The following LMAN1 variants were observed in gnomAD, a reference collection of about 807,000 sequenced individuals.
LMAN1 encodes the protein lectin, mannose binding 1.
LMAN1 carries 32 observed loss-of-function variants against 67.8 expected under a neutral mutation model. The observed-to-expected ratio is 0.47, with a 90% CI of 0.36 to 0.63. LMAN1 has a LOEUF of 0.63. Among genes scored for constraint, LMAN1 ranks in the 30% least tolerant of loss-of-function variants. The probability of loss-of-function intolerance (pLI) is 0.00; values close to 1 mark genes in which losing one functional copy is unlikely to be tolerated. For synonymous variants in LMAN1, 235 were observed against 219.3 expected, an observed-to-expected ratio of 1.07 and a Z score of -0.63; for missense variants, 632 against 628.2, an observed-to-expected ratio of 1.01 and a Z score of -0.06.
rs143837057 is a variant in LMAN1 at position 59,359,207 on chromosome 18, A to C, written c.38T>G (p.Val13Gly). Residue 13 changes from valine (V) to glycine (G), a missense_variant, in exon 1 of 13, where the codon GTT becomes GGT. Coordinates refer to ENST00000251047, the MANE Select transcript of LMAN1 (RefSeq NM_005570.4). ...CAGCAAGGCGCAGAACAGCGGCCGA[A>C]CTCTGGCCCGGAGACCCCTTTGCCT... ...GSRQRGLRAR[V>G]RPLFCALLLS... 1 of 1,613,922 alleles carries C rather than the reference A, an allele frequency of 6.2e-7. No individual in the cohort carries two copies. The highest frequency in any genetic ancestry group is 1.1e-5 in the South Asian group (1 of 91,046).
At chr18:59,334,167 A>AT (rs1908091234) in intron 10 of LMAN1, among the ~76,000 whole-genome samples, 1 of 152,236 alleles carries the variant, frequency 6.6e-6, no homozygotes. Context: ...ACATATTTGT[A>AT]TTTAAGAAAT....
intron 8 of LMAN1, among the ~76,000 whole-genome samples, chr18:59,342,266 C>T (rs895177711): frequency 6.6e-6 from 1 of 151,958 alleles, no homozygotes; most frequent in Non-Finnish European, 1.5e-5. Flanking sequence ...AGAACCAATT[C>T]TCCTGAAATT....
rs748840651 is a variant in LMAN1 at position 59,331,069 on chromosome 18, ATGAAG to A, written c.*19_*23del. ...ACGACATCATTTTGTACACAAATAG[ATGAAG>A]TACACAGGAAAATGGTAGTCAAAAG... On this transcript the variant is annotated 3_prime_UTR_variant, in exon 13 of 13. Coordinates refer to ENST00000251047, the MANE Select transcript of LMAN1 (RefSeq NM_005570.4). 65 of 1,559,170 alleles carry A rather than the reference ATGAAG, an allele frequency of 4.2e-5. No homozygotes were observed. In the Admixed American group the frequency reaches 8.7e-4, roughly 21 times the overall value.
rs1393843541 is a variant in LMAN1 at position 59,346,016 on chromosome 18, T to C, written c.858A>G (p.Lys286=). 1 of 1,613,084 alleles carries C rather than the reference T, an allele frequency of 6.2e-7. No homozygotes were observed. Among genetic ancestry groups the C allele is most frequent in the African/African-American group, 1.3e-5 (1 of 74,910 alleles). Residue 286 remains lysine (K), a synonymous_variant, in exon 8 of 13, where the codon AAA becomes AAG. Coordinates refer to ENST00000251047, the MANE Select transcript of LMAN1 (RefSeq NM_005570.4). ...GCTCAAATTCCTCCTGATACTTTTC[T>C]TTTTCCTTTTCCGAAATTTCTTTAT... is the stretch of plus-strand genomic sequence containing the variant. ...TPDKEISEKE[K]EKYQEEFEHF...
chr18:59,334,842 A>AT (rs200015005), intron 10 of LMAN1, among the ~76,000 whole-genome samples: 3,539 of 150,140 alleles, frequency 0.024, 150 homozygotes, highest in East Asian at 0.088. Context: ...ATCTCTTTAC[A>AT]TTTTTTTTTT....
chr18:59,359,221 A>T lies in LMAN1; in HGVS notation c.24T>A (p.Gly8=). 1 of 1,613,714 alleles carries T rather than the reference A, an allele frequency of 6.2e-7. No individual in the cohort carries two copies. Among genetic ancestry groups the T allele is most frequent in the Non-Finnish European group, 8.5e-7 (1 of 1,179,834 alleles). Reference sequence around the variant, plus strand: ...ACAGCGGCCGAACTCTGGCCCGGAGACCCCTTTGCCTGGATCCCGCCATCT... The same window carrying T: ...ACAGCGGCCGAACTCTGGCCCGGAGTCCCCTTTGCCTGGATCCCGCCATCT... The part of the protein sequence containing the change: MAGSRQR[G]LRARVRPLFC... The change falls in exon 1 of 13, where the codon GGT becomes GGA. Residue 8 remains glycine (G), a synonymous_variant. Coordinates refer to ENST00000251047, the MANE Select transcript of LMAN1 (RefSeq NM_005570.4).
chr18:59,333,505 T>C (rs1224142481), intron 10 of LMAN1: 1 of 403,554 alleles, frequency 2.5e-6, no homozygotes, highest in South Asian at 2.7e-5. Flanking sequence ...TTAAAACCAA[T>C]AGTATAAGTG....
At position 59,328,082 on chromosome 18, in the gene LMAN1, C is replaced by G. The variant is rs180710572; in HGVS notation, c.*3011G>C. On this transcript the variant is annotated 3_prime_UTR_variant, in exon 13 of 13. Coordinates refer to ENST00000251047, the MANE Select transcript of LMAN1 (RefSeq NM_005570.4). ...AAAATCCTCAATATAATCATTTGTTCACTATCTTCTTTCAATAAGCACATG... is the reference window on the plus strand; with the variant it reads ...AAAATCCTCAATATAATCATTTGTTGACTATCTTCTTTCAATAAGCACATG... The G allele has an allele frequency of 1.3e-5, 2 of 152,288 alleles. No homozygotes were observed. Among genetic ancestry groups the G allele is most frequent in the Admixed American group, 1.3e-4 (2 of 15,300 alleles). 9.4% of individuals were successfully genotyped at this position (152,288 alleles called of 1,614,324 possible).
intron 10 of LMAN1, among the ~76,000 whole-genome samples, chr18:59,333,880 A>G (rs1908084939): frequency 6.6e-6 from 1 of 152,148 alleles, no homozygotes. Flanking sequence ...CAAATTACTT[A>G]AAAATAACAC....
chr18:59,339,096 C>G, intron 8 of LMAN1, 143 bp from the exon 9 acceptor site: 1 of 675,680 alleles, frequency 1.5e-6, no homozygotes, highest in Non-Finnish European at 2.7e-6. Context: ...AGAAAATATG[C>G]AAATAATTAA....
intron 8 of LMAN1, among the ~76,000 whole-genome samples, chr18:59,341,163 A>G (rs543875913): frequency 6.6e-6 from 1 of 152,330 alleles, no homozygotes; most frequent in East Asian, 1.9e-4. Context: ...AGGATATAAC[A>G]ATCCTAATTT....
At chr18:59,341,444 A>G (rs913944754) in intron 8 of LMAN1, among the ~76,000 whole-genome samples, 3 of 152,200 alleles carry the variant, frequency 2.0e-5, no homozygotes, top group Non-Finnish European at 2.9e-5. Flanking sequence ...ACAGGACTAC[A>G]TATTAGGCCA....
At chr18:59,356,814 A>G (rs1908669841) in intron 1 of LMAN1, among the ~76,000 whole-genome samples, 3 of 152,214 alleles carry the variant, frequency 2.0e-5, no homozygotes, top group South Asian at 2.1e-4. Flanking sequence ...TATAAAACAG[A>G]TAACACCCGC....
chr18:59,343,578 A>T (rs34186465), intron 8 of LMAN1, among the ~76,000 whole-genome samples: 13,026 of 152,050 alleles, frequency 0.086, 637 homozygotes, highest in Middle Eastern at 0.14. Flanking sequence ...TAAACGGTGC[A>T]GAAAAAATTG....
At chr18:59,333,391 G>A in intron 10 of LMAN1, 147 bp from the exon 11 acceptor site, 1 of 638,546 alleles carries the variant, frequency 1.6e-6, no homozygotes, top group South Asian at 2.2e-5. Context: ...AAATCGAGTT[G>A]TGTTCAAAAT....
chr18:59,335,001 G>C (rs1226654115), intron 10 of LMAN1, among the ~76,000 whole-genome samples: 1 of 152,080 alleles, frequency 6.6e-6, no homozygotes, highest in Non-Finnish European at 1.5e-5. Flanking sequence ...GGATTCTATG[G>C]ATAATACAAC....
chr18:59,353,011 T>C (rs1302575391), intron 5 of LMAN1, 191 bp downstream of exon 5: 3 of 580,982 alleles, frequency 5.2e-6, no homozygotes, highest in East Asian at 6.7e-5. Context: ...AATGGAAACA[T>C]ACCATCAGGG....
At chr18:59,353,618 C>T (rs1200163913) in intron 4 of LMAN1, among the ~76,000 whole-genome samples, 1 of 152,150 alleles carries the variant, frequency 6.6e-6, no homozygotes, top group Admixed American at 6.5e-5. Context: ...GGCTGAAACT[C>T]ACTAAGGCAG....
chr18:59,357,046 T>C (rs1159713611), intron 1 of LMAN1, among the ~76,000 whole-genome samples: 1 of 152,084 alleles, frequency 6.6e-6, no homozygotes, highest in East Asian at 1.9e-4. Flanking sequence ...TTTAAAGTAA[T>C]GAATTGCAGA....
Sources: allele counts gnomAD v4.1 joint callset (sites outside exome capture counted in the v4.1 genomes callset), GRCh38; gene constraint gnomAD v4.1.1; transcripts MANE v1.5; gene names NCBI Gene and HGNC (gene_info 2026-07-23, HGNC 2026-07-21).